The following NCKAP5 variants were observed in gnomAD, a reference collection of about 807,000 sequenced individuals.
The protein encoded by NCKAP5 is nck-associated protein 5.
A neutral mutation model predicts 167.0 loss-of-function variants in NCKAP5; 92 were observed. The ratio of observed to expected loss-of-function variants is 0.55; its 90% CI spans 0.47 to 0.66. The LOEUF is 0.66. Among genes scored for constraint, NCKAP5 ranks in the 30% least tolerant of loss-of-function variants. The probability of loss-of-function intolerance (pLI) is 0.00; values close to 1 mark genes in which losing one functional copy is unlikely to be tolerated. For synonymous variants in NCKAP5, 891 were observed against 877.4 expected (o/e 1.02, Z -0.27); for missense variants, 2,378 against 2,315.0 (o/e 1.03, Z -0.56).
At chr2:133,127,764 T>C (rs1267977497) in intron 6 of NCKAP5, among the ~76,000 whole-genome samples, 1 of 152,186 alleles carries the variant, frequency 6.6e-6, no homozygotes, top group Non-Finnish European at 1.5e-5. Flanking sequence ...AAATTCACTT[T>C]GGAGGGGTGG....
the NCKAP5 span, among the ~76,000 whole-genome samples, chr2:133,634,296 G>A: frequency 2.0e-5 from 3 of 151,996 alleles, no homozygotes; most frequent in Non-Finnish European, 2.9e-5. Flanking sequence ...CCACTCCCTC[G>A]TAACAAAGGG....
intron 8 of NCKAP5, among the ~76,000 whole-genome samples, chr2:132,935,493 A>G (rs1190121708): frequency 1.3e-5 from 2 of 152,190 alleles, no homozygotes; most frequent in Non-Finnish European, 2.9e-5. Context: ...AATGGTAGGT[A>G]TGGGAATTGA....
At chr2:133,153,514 C>T (rs2083454798) in intron 5 of NCKAP5, among the ~76,000 whole-genome samples, 1 of 151,988 alleles carries the variant, frequency 6.6e-6, no homozygotes, top group South Asian at 2.1e-4. Context: ...TTAATAGTTA[C>T]AAAATACCAA....
At chr2:132,758,273 G>T (rs73957656) in intron 16 of NCKAP5, among the ~76,000 whole-genome samples, 21,141 of 152,124 alleles carry the variant, frequency 0.14, 1,676 homozygotes, top group African/African-American at 0.2. Flanking sequence ...CATGGCTGCG[G>T]TTTTTCATTA....
chr2:132,856,666 A>T (rs1689495205), intron 11 of NCKAP5, among the ~76,000 whole-genome samples: 1 of 152,196 alleles, frequency 6.6e-6, no homozygotes. Flanking sequence ...CAAGTAAAAG[A>T]CAGAACACAT....
chr2:133,360,131 C>G (rs565103953), intron 3 of NCKAP5, among the ~76,000 whole-genome samples: 1 of 152,174 alleles, frequency 6.6e-6, no homozygotes, highest in East Asian at 1.9e-4. Context: ...CCTTTAGCCC[C>G]CAGGTCAGCA....
intron 5 of NCKAP5, among the ~76,000 whole-genome samples, chr2:133,180,454 A>C (rs2084681310): frequency 6.6e-6 from 1 of 152,006 alleles, no homozygotes; most frequent in African/African-American, 2.4e-5. Context: ...TCCCCACTGC[A>C]GTCTCCGTAG....
intron 6 of NCKAP5, among the ~76,000 whole-genome samples, chr2:133,020,919 T>A (rs1217382823): frequency 1.3e-5 from 2 of 151,986 alleles, no homozygotes; most frequent in Non-Finnish European, 2.9e-5. Context: ...GAGTGGAAGG[T>A]GTCAGGGAAA....
At chr2:132,681,971 T>A (rs1484635777) in intron 19 of NCKAP5, among the ~76,000 whole-genome samples, 1 of 152,178 alleles carries the variant, frequency 6.6e-6, no homozygotes, top group East Asian at 1.9e-4. Flanking sequence ...TCCACTGATG[T>A]GTGATTCATT....
Position 133,449,601 on chromosome 2 carries a change from C to T in NCKAP5, c.69+67857G>A, listed in dbSNP as rs139030574. Among the ~76,000 whole-genome samples, 272 of 152,200 alleles carry T rather than the reference C, an allele frequency of 1.8e-3. 1 individual carries two copies. The highest frequency in any genetic ancestry group is 6.4e-3 in the African/African-American group (264 of 41,528). ...GGAAATATAGAGGTTTACCCTAAGG[C>T]GTGACGGTTCCTTTTAATGATATGA... On this transcript the variant is annotated intron_variant, in intron 3 of 19. Transcript: ENST00000409261.
chr2:133,084,312 T>C (rs1162579617), intron 6 of NCKAP5, among the ~76,000 whole-genome samples: 4 of 152,256 alleles, frequency 2.6e-5, no homozygotes, highest in Non-Finnish European at 4.4e-5. Flanking sequence ...CATCATTTAG[T>C]GTAATGACAT....
intron 11 of NCKAP5, among the ~76,000 whole-genome samples, chr2:132,837,050 T>C (rs908482365): frequency 1.3e-5 from 2 of 152,216 alleles, no homozygotes; most frequent in African/African-American, 2.4e-5. Context: ...TGGTTGGTCG[T>C]AGTAGGTTGA....
chr2:133,185,138 T>C (rs769260167), intron 5 of NCKAP5, among the ~76,000 whole-genome samples: 1 of 152,136 alleles, frequency 6.6e-6, no homozygotes, highest in African/African-American at 2.4e-5. Context: ...AATTTCTGTA[T>C]AGGATGAGAG....
At chr2:133,547,891 G>A (rs1157335548) in intron 2 of NCKAP5, among the ~76,000 whole-genome samples, 61 of 146,600 alleles carry the variant, frequency 4.2e-4, no homozygotes, top group African/African-American at 1.1e-3. Context: ...TGACTTTGAC[G>A]AGCTGAGAGA....
intron 11 of NCKAP5, among the ~76,000 whole-genome samples, chr2:132,799,385 C>T (rs980323607): frequency 3.9e-5 from 6 of 152,168 alleles, no homozygotes; most frequent in Non-Finnish European, 8.8e-5. Context: ...AGAAGTACCC[C>T]CTGAATCTAA....
chr2:133,510,043 C>T (rs980847565), intron 3 of NCKAP5, among the ~76,000 whole-genome samples: 1 of 152,180 alleles, frequency 6.6e-6, no homozygotes, highest in African/African-American at 2.4e-5. Flanking sequence ...GGTGGATCCT[C>T]CTTCAGGCAG....
chr2:133,599,698 T>C, the NCKAP5 span, among the ~76,000 whole-genome samples: 5 of 150,728 alleles, frequency 3.3e-5, no homozygotes, highest in Admixed American at 3.3e-4. Context: ...GTGGCAGTTG[T>C]GGGATCCTGA....
At chr2:133,593,943 T>TC in the NCKAP5 span, among the ~76,000 whole-genome samples, 1 of 152,148 alleles carries the variant, frequency 6.6e-6, no homozygotes, top group Non-Finnish European at 1.5e-5. Flanking sequence ...TCTAGGCAGG[T>TC]CCCCTCCGAA....
intron 8 of NCKAP5, among the ~76,000 whole-genome samples, chr2:132,887,278 T>C (rs1692304364): frequency 6.6e-6 from 1 of 152,026 alleles, no homozygotes; most frequent in African/African-American, 2.4e-5. Context: ...TTTTATTTTA[T>C]CTATCATCTA....
Sources: allele counts gnomAD v4.1 joint callset (sites outside exome capture counted in the v4.1 genomes callset), GRCh38; gene constraint gnomAD v4.1.1; transcripts MANE v1.5; gene names NCBI Gene and HGNC (gene_info 2026-07-23, HGNC 2026-07-21).